NKAIN2: variants seen among roughly 807,000 people sequenced by gnomAD.
NKAIN2 encodes the protein sodium/potassium-transporting ATPase subunit beta-1-interacting protein 2.
A neutral mutation model predicts 32.6 loss-of-function variants in NKAIN2; 14 were observed. That is an observed-to-expected ratio of 0.43 (90% CI 0.28 to 0.67). The LOEUF is 0.67. NKAIN2 is among the 30% of genes least tolerant of loss of function. NKAIN2 has a pLI of 0.17. For synonymous variants in NKAIN2, 80 were observed against 87.2 expected, an observed-to-expected ratio of 0.92 and a Z score of 0.46; for missense variants, 198 against 258.3, an observed-to-expected ratio of 0.77 and a Z score of 1.60.
At chr6:123,911,404 G>T (rs1405523748) in intron 1 of NKAIN2, among the ~76,000 whole-genome samples, 1 of 152,022 alleles carries the variant, frequency 6.6e-6, no homozygotes, top group African/African-American at 2.4e-5. Flanking sequence ...AGAGAGAGAG[G>T]AGGAGGTGCC....
intron 1 of NKAIN2, among the ~76,000 whole-genome samples, chr6:123,985,192 G>C (rs1582885650): frequency 6.6e-6 from 1 of 152,096 alleles, no homozygotes; most frequent in African/African-American, 2.4e-5. Context: ...CTGAGGTCAG[G>C]AGTTTGAGAC....
chr6:123,919,955 AT>A (rs1775674073), intron 1 of NKAIN2, among the ~76,000 whole-genome samples: 1 of 152,110 alleles, frequency 6.6e-6, no homozygotes, highest in Admixed American at 6.6e-5. Flanking sequence ...TCAGTTATGC[AT>A]TTTTCAACTT....
intron 1 of NKAIN2, among the ~76,000 whole-genome samples, chr6:124,055,364 A>G (rs1268503324): frequency 1.3e-5 from 2 of 152,104 alleles, no homozygotes; most frequent in Non-Finnish European, 2.9e-5. Flanking sequence ...TTTAAATAAG[A>G]AAAACAATAA....
chr6:124,145,236 A>T (rs938050461), intron 1 of NKAIN2, among the ~76,000 whole-genome samples: 3 of 152,196 alleles, frequency 2.0e-5, no homozygotes, highest in African/African-American at 4.8e-5. Flanking sequence ...AAAACTAAAC[A>T]TACAACTACC....
At chr6:124,601,855 C>T (rs1486377570) in intron 3 of NKAIN2, among the ~76,000 whole-genome samples, 3 of 152,032 alleles carry the variant, frequency 2.0e-5, no homozygotes, top group African/African-American at 7.2e-5. Flanking sequence ...CAATCATCCA[C>T]TGGGAATTTG....
intron 3 of NKAIN2, among the ~76,000 whole-genome samples, chr6:124,396,221 G>A (rs1773371671): frequency 6.6e-6 from 1 of 151,594 alleles, no homozygotes; most frequent in Admixed American, 6.6e-5. Flanking sequence ...AGATGCCATG[G>A]GCATCGCAAG....
intron 4 of NKAIN2, among the ~76,000 whole-genome samples, chr6:124,772,445 T>C (rs1778798944): frequency 6.6e-6 from 1 of 152,164 alleles, no homozygotes; most frequent in Non-Finnish European, 1.5e-5. Flanking sequence ...CAAGTGAAGA[T>C]GCCGAGTGGG....
At chr6:124,310,135 C>G (rs1796655307) in intron 2 of NKAIN2, among the ~76,000 whole-genome samples, 1 of 151,998 alleles carries the variant, frequency 6.6e-6, no homozygotes, top group Admixed American at 6.6e-5. Flanking sequence ...AAAATGAGAT[C>G]AAACCACGAA....
intron 1 of NKAIN2, among the ~76,000 whole-genome samples, chr6:124,044,054 G>A (rs1049808989): frequency 6.6e-6 from 1 of 151,944 alleles, no homozygotes; most frequent in Non-Finnish European, 1.5e-5. Context: ...AGACAGATTG[G>A]CAGTCAAGAG....
intron 1 of NKAIN2, among the ~76,000 whole-genome samples, chr6:123,851,139 A>C (rs1178398596): frequency 6.6e-6 from 1 of 151,802 alleles, no homozygotes; most frequent in East Asian, 1.9e-4. Flanking sequence ...TATTGTGAAT[A>C]GTGCTGCAGT....
In NKAIN2 at chr6:124,172,697, T is replaced by A. The variant is rs192084736; in HGVS notation, c.55-110308T>A. 1.7e-3 allele frequency among the ~76,000 whole-genome samples: 259 copies of A among 152,272 alleles called. 1 individual carries two copies. Among genetic ancestry groups the A allele is most frequent in the Middle Eastern group, 0.01 (3 of 294 alleles). The stretch of plus-strand genomic sequence containing the variant: ...CTTATGGAATCATTACTTCTTTTTG[T>A]TTTACTACATTAAATTCACCTTAAA... On this transcript the variant is annotated intron_variant, in intron 1 of 6. Coordinates refer to ENST00000368417, the MANE Select transcript of NKAIN2 (RefSeq NM_001040214.3).
intron 2 of NKAIN2, among the ~76,000 whole-genome samples, chr6:124,297,062 C>T (rs1028887419): frequency 7.9e-5 from 12 of 152,092 alleles, no homozygotes; most frequent in African/African-American, 2.9e-4. Context: ...CACTATACAA[C>T]GATTAAAACC....
chr6:124,165,356 T>C (rs2114471164), intron 1 of NKAIN2, among the ~76,000 whole-genome samples: 1 of 152,186 alleles, frequency 6.6e-6, no homozygotes, highest in Middle Eastern at 3.4e-3. Flanking sequence ...AGCCCTGAAT[T>C]AAAACTTCTA....
chr6:124,018,371 A>G (rs1780690657), intron 1 of NKAIN2, among the ~76,000 whole-genome samples: 1 of 152,172 alleles, frequency 6.6e-6, no homozygotes, highest in Non-Finnish European at 1.5e-5. Flanking sequence ...TTTCTTGGTG[A>G]TTAACATTTG....
At position 124,272,929 on chromosome 6, in the gene NKAIN2, A is replaced by G. The variant is rs185887986; in HGVS notation, c.55-10076A>G. Among the ~76,000 whole-genome samples the G allele has an allele frequency of 4.0e-3, 614 of 152,222 alleles. 2 individuals carry two copies. Among genetic ancestry groups the G allele is most frequent in the African/African-American group, 0.012 (509 of 41,524 alleles). On this transcript the variant is annotated intron_variant, in intron 1 of 6. Coordinates refer to ENST00000368417, the MANE Select transcript of NKAIN2 (RefSeq NM_001040214.3). ...GCCTGTGGCCACTTTGTTTTGGCAC[A>G]TTTCTCGCATTTGGAATGGAAACAT... is the stretch of plus-strand genomic sequence containing the variant.
At chr6:124,344,779 C>G (rs1377530667) in intron 2 of NKAIN2, among the ~76,000 whole-genome samples, 1 of 152,180 alleles carries the variant, frequency 6.6e-6, no homozygotes, top group Non-Finnish European at 1.5e-5. Flanking sequence ...CATCTGCAAA[C>G]AGGGACAATT....
At chr6:124,116,147 C>G (rs939781053) in intron 1 of NKAIN2, among the ~76,000 whole-genome samples, 5 of 152,042 alleles carry the variant, frequency 3.3e-5, no homozygotes, top group Non-Finnish European at 5.9e-5. Context: ...CGTTATTCTT[C>G]ATTTGCTTCA....
intron 5 of NKAIN2, among the ~76,000 whole-genome samples, chr6:124,810,901 G>A (rs1204524162): frequency 2.0e-5 from 3 of 146,804 alleles, no homozygotes. Flanking sequence ...ATAAAGGATT[G>A]CATTTTCCTT....
intron 4 of NKAIN2, among the ~76,000 whole-genome samples, chr6:124,725,239 T>A (rs1054985914): frequency 1.3e-5 from 2 of 152,178 alleles, no homozygotes; most frequent in Non-Finnish European, 2.9e-5. Context: ...AACTGGCTTT[T>A]CTTTTGGCCA....
Sources: allele counts gnomAD v4.1 joint callset (sites outside exome capture counted in the v4.1 genomes callset), GRCh38; gene constraint gnomAD v4.1.1; transcripts MANE v1.5; gene names NCBI Gene and HGNC (gene_info 2026-07-23, HGNC 2026-07-21).